The following KMT2A variants were observed in gnomAD, a reference collection of about 807,000 sequenced individuals.
The protein encoded by KMT2A is histone-lysine N-methyltransferase 2A.
Under a neutral mutation model 345.3 loss-of-function variants are expected in KMT2A, and 16 were observed. The observed-to-expected ratio is 0.05, with a 90% confidence interval of 0.03 to 0.07. The LOEUF (loss-of-function observed/expected upper bound fraction) is 0.07. Ranked by LOEUF, KMT2A falls within the 10% of genes least tolerant of loss-of-function variation. The pLI is 1.00. For synonymous variants in KMT2A, 1,599 were observed against 1,778.6 expected, an observed-to-expected ratio of 0.90 and a Z score of 2.54; for missense variants, 3,272 against 4,841.6, an observed-to-expected ratio of 0.68 and a Z score of 9.62.
In KMT2A at chr11:118,520,079, G is replaced by A; in HGVS notation, c.11429+15G>A. The A allele has an allele frequency of 1.3e-6, 2 of 1,564,392 alleles. No individual in the cohort carries two copies. Among genetic ancestry groups the A allele is most frequent in the Non-Finnish European group, 1.8e-6 (2 of 1,135,800 alleles). Reference sequence around the variant, plus strand: ...AAGTCAGCTCGGTAAGTCTTGAGTGGGGAGCAGTCATTAGAAACTGCTTTC... The same window carrying A: ...AAGTCAGCTCGGTAAGTCTTGAGTGAGGAGCAGTCATTAGAAACTGCTTTC... On this transcript the variant is annotated intron_variant, in intron 33 of 35. Transcript: ENST00000534358. The surrounding 1 kb of genome is among the most constrained non-coding windows in gnomAD (Gnocchi z 4.3).
chr11:118,521,158 C>A lies in KMT2A; in HGVS notation c.11514-130C>A. On this transcript the variant is annotated intron_variant, in intron 34 of 35. Coordinates refer to ENST00000534358, the MANE Select transcript of KMT2A (RefSeq NM_001197104.2). This position sits in a 1 kb window ranked among gnomAD's most constrained non-coding sequence, Gnocchi z 5.3. ...GTTAGATGGCCAAATCAAGTGGGTC[C>A]AAATTTTTATTTTCTCAAGTATATG... The A allele has an allele frequency of 9.3e-7, 1 of 1,075,954 alleles. No homozygotes were observed. The highest frequency in any genetic ancestry group is 1.3e-6 in the Non-Finnish European group (1 of 741,166). The allele number at this position is 1,075,954 out of a possible 1,614,324, so 66.7% of individuals were successfully genotyped here. A position where few individuals can be genotyped will look rare whatever the true frequency, so the allele number is the denominator to read the frequency against.
Position 118,473,630 on chromosome 11 carries a change from C to A in KMT2A, c.2471C>A (p.Ala824Glu), listed in dbSNP as rs2134269142. The A allele has an allele frequency of 6.2e-7, 1 of 1,614,088 alleles. No homozygotes were observed. Among genetic ancestry groups the A allele is most frequent in the African/African-American group, 1.3e-5 (1 of 75,028 alleles). ...QRPRKQTSAP[A>E]EPFSSSSPTP... Reference sequence around the variant, plus strand: ...CCAAGGAAGCAGACTAGTGCTCCGGCAGAGCCATTTTCATCAAGTAGTCCT... The same window carrying A: ...CCAAGGAAGCAGACTAGTGCTCCGGAAGAGCCATTTTCATCAAGTAGTCCT... Residue 824 changes from alanine (A) to glutamate (E), a missense_variant, in exon 3 of 36, where the codon GCA becomes GAA. Around this residue, in one of 27 missense-constraint regions of KMT2A, gnomAD observed 209 missense variants for 237.4 expected, o/e 0.88. Coordinates refer to ENST00000534358, the MANE Select transcript of KMT2A (RefSeq NM_001197104.2). The surrounding 1 kb of genome is among the most constrained non-coding windows in gnomAD (Gnocchi z 5.2).
At chr11:118,464,141 C>G (rs1210478178) in intron 1 of KMT2A, among the ~76,000 whole-genome samples, 1 of 152,184 alleles carries the variant, frequency 6.6e-6, no homozygotes, top group Non-Finnish European at 1.5e-5. Flanking sequence ...AAAAATTCAT[C>G]TTGTTCATGC....
rs535975716 is a variant in KMT2A, at chr11:118,526,586, G to GA, written c.*4426dup. On this transcript the variant is annotated 3_prime_UTR_variant, in exon 36 of 36. Coordinates refer to ENST00000534358, the MANE Select transcript of KMT2A (RefSeq NM_001197104.2). ...CCAAGCTTCTGGTTAGAGAAAAAGA[G>GA]AAAAAAAAAAAAGGAAAATGTGTCT... 8,426 of 170,870 alleles carry GA rather than the reference G, an allele frequency of 0.049. 13 individuals are homozygous for GA. Among genetic ancestry groups the GA allele is most frequent in the Middle Eastern group, 0.1 (51 of 512 alleles). 10.6% of individuals were successfully genotyped at this position (170,870 alleles called of 1,614,324 possible). A position where few individuals can be genotyped will look rare whatever the true frequency, so the allele number is the denominator to read the frequency against.
chr11:118,512,803 G>GTTT (rs782638304), intron 31 of KMT2A, among the ~76,000 whole-genome samples: 2 of 130,414 alleles, frequency 1.5e-5, no homozygotes, highest in Admixed American at 7.5e-5. Context: ...CCTGTTTTTT[G>GTTT]TTTTTTTTTT....
At chr11:118,499,215 A>G in intron 22 of KMT2A, 88 bp from the exon 23 acceptor site, 1 of 830,372 alleles carries the variant, frequency 1.2e-6, no homozygotes, top group South Asian at 1.4e-5. Context: ...GAGATATGCT[A>G]TGTGCCTTCC....
Position 118,495,231 on chromosome 11 carries a change from T to G in KMT2A, c.5363+464T>G, listed in dbSNP as rs1950389459. ...TGGAGTGCAGTGACATGATCTCGGC[T>G]CACTACAACCTCCGCCTCCCTGGTT... On this transcript the variant is annotated intron_variant, in intron 18 of 35. Transcript: ENST00000534358. The surrounding 1 kb of genome is among the most constrained non-coding windows in gnomAD (Gnocchi z 4.1). Among the ~76,000 whole-genome samples the G allele has an allele frequency of 6.6e-6, 1 of 151,910 alleles. No homozygotes were observed.
At chr11:118,519,524 TG>T in intron 31 of KMT2A, 93 bp from the exon 32 acceptor site, 1 of 1,131,646 alleles carries the variant, frequency 8.8e-7, no homozygotes, top group South Asian at 1.4e-5. Flanking sequence ...GAGCAGCCTC[TG>T]GCAGAGTGAC....
chr11:118,452,867 C>G (rs546768408), intron 1 of KMT2A, among the ~76,000 whole-genome samples: 1 of 151,840 alleles, frequency 6.6e-6, no homozygotes, highest in African/African-American at 2.4e-5. Flanking sequence ...CTCCTGACCT[C>G]GTGATCTGCC....
chr11:118,510,989 C>T lies in KMT2A; in HGVS notation c.11071+871C>T, dbSNP rs978414960. On this transcript the variant is annotated intron_variant, in intron 30 of 35. Coordinates refer to ENST00000534358, the MANE Select transcript of KMT2A (RefSeq NM_001197104.2). This position sits in a 1 kb window ranked among gnomAD's most constrained non-coding sequence, Gnocchi z 4.1. The stretch of plus-strand genomic sequence containing the variant: ...TTTAGAGTAGTGTCAGGTGAGATGG[C>T]ATTGAAATCCATGTGAGGTAATAGT... Among the ~76,000 whole-genome samples, 1 of 152,084 alleles carries T rather than the reference C, an allele frequency of 6.6e-6. No individual in the cohort carries two copies. The highest frequency in any genetic ancestry group is 2.4e-5 in the African/African-American group (1 of 41,420).
Position 118,523,605 on chromosome 11 carries a change from T to A in KMT2A, c.*1433T>A, listed in dbSNP as rs1951016820. The A allele has an allele frequency of 4.4e-6, 1 of 228,296 alleles. No homozygotes were observed. The highest frequency in any genetic ancestry group is 5.7e-5 in the Admixed American group (1 of 17,602). 14.1% of individuals were successfully genotyped at this position (228,296 alleles called of 1,614,324 possible). Reference sequence around the variant, plus strand: ...TTGTATATTTTTCTATGAGAAGCACTTCATAGGGAGAAGCACTTATGACAA... The same window carrying A: ...TTGTATATTTTTCTATGAGAAGCACATCATAGGGAGAAGCACTTATGACAA... On this transcript the variant is annotated 3_prime_UTR_variant, in exon 36 of 36. Transcript: ENST00000534358.
At chr11:118,456,975 C>T (rs1298058721) in intron 1 of KMT2A, among the ~76,000 whole-genome samples, 1 of 152,134 alleles carries the variant, frequency 6.6e-6, no homozygotes, top group Non-Finnish European at 1.5e-5. Context: ...TCCCTTAAAC[C>T]TTTATATCAA....
Position 118,519,975 on chromosome 11 carries a change from G to C in KMT2A, c.11340G>C (p.Met3780Ile). 4.3e-6 allele frequency: 7 copies of C among 1,613,822 alleles called. 1 individual carries two copies. The highest frequency in any genetic ancestry group is 8.5e-7 in the Non-Finnish European group (1 of 1,179,744). ...EVHLRKSAFD[M>I]FNFLASKHRQ... is the part of the protein sequence containing the mutation. ...GCCCCAGGAAGTCAGCATTTGACATGTTTAACTTCCTGGCTTCTAAACATC... is the reference window on the plus strand; with the variant it reads ...GCCCCAGGAAGTCAGCATTTGACATCTTTAACTTCCTGGCTTCTAAACATC... Residue 3780 changes from methionine (M) to isoleucine (I), a missense_variant, in exon 33 of 36, where the codon ATG (methionine) becomes ATC (isoleucine). Met to Ile is a conservative substitution (Grantham distance 10). Transcript: ENST00000534358.
In KMT2A at chr11:118,472,862, C is replaced by G. The variant is rs782000286; in HGVS notation, c.1703C>G (p.Pro568Arg). 6.2e-7 allele frequency: 1 copy of G among 1,614,042 alleles called. No individual in the cohort carries two copies. Among genetic ancestry groups the G allele is most frequent in the South Asian group, 1.1e-5 (1 of 91,062 alleles). Residue 568 changes from proline (P) to arginine (R), a missense_variant, in exon 3 of 36, where the codon CCA becomes CGA. Physicochemically the swap from Pro to Arg is moderately radical, Grantham distance 103 (BLOSUM62 -2). This residue lies in a region of KMT2A where 180 missense variants were observed against 190.7 expected (regional missense o/e 0.94). Transcript: ENST00000534358. ...TCTCCACCTCCACCTCTGCTGACTC[C>G]ACCGCCACCACTGCAGCCAGCCTCC... Reference protein sequence around the residue: ...SSSPPPPLLTPPPPLQPASSI... With the variant: ...SSSPPPPLLTRPPPLQPASSI...
chr11:118,496,557 T>C lies in KMT2A; in HGVS notation c.5664+190T>C, dbSNP rs1950412621. Among the ~76,000 whole-genome samples, 6 of 152,242 alleles carry C rather than the reference T, an allele frequency of 3.9e-5. 1 individual carries two copies. In the South Asian group the frequency reaches 1.2e-3, roughly 32 times the overall value. On this transcript the variant is annotated intron_variant, in intron 20 of 35. Coordinates refer to ENST00000534358, the MANE Select transcript of KMT2A (RefSeq NM_001197104.2). This position sits in a 1 kb window ranked among gnomAD's most constrained non-coding sequence, Gnocchi z 4.7. ...AACTTATTTTTTGTCACTTAGTTCA[T>C]GGCACTTGGAGTTTTTTAATGACTG...
Position 118,490,577 on chromosome 11 carries a change from T to G in KMT2A, c.4696+328T>G, listed in dbSNP as rs1555042199. On this transcript the variant is annotated intron_variant, in intron 13 of 35. Coordinates refer to ENST00000534358, the MANE Select transcript of KMT2A (RefSeq NM_001197104.2). This position sits in a 1 kb window ranked among gnomAD's most constrained non-coding sequence, Gnocchi z 4.2. ...CCCAAACATTTTCTTTCAGTAGTTA[T>G]ATTAGAAAAAAATATTAATATAACT... 1.3e-5 allele frequency among the ~76,000 whole-genome samples: 2 copies of G among 152,048 alleles called. No individual in the cohort carries two copies. Among genetic ancestry groups the G allele is most frequent in the Non-Finnish European group, 2.9e-5 (2 of 68,020 alleles).
In KMT2A at chr11:118,474,156, T is replaced by C. The variant is rs1949993036; in HGVS notation, c.2997T>C (p.Val999=). The C allele has an allele frequency of 6.2e-7, 1 of 1,614,050 alleles. No individual in the cohort carries two copies. The highest frequency in any genetic ancestry group is 1.7e-5 in the Admixed American group (1 of 59,996). The part of the protein sequence containing the change: ...LCLSTPSSST[V]KHSTSSIGSM... ...TTTCCACTCCTTCATCTAGCACTGT[T>C]AAACATTCCACTTCCTCCATAGGCT... is the stretch of plus-strand genomic sequence containing the variant. Residue 999 remains valine (V), a synonymous_variant, in exon 3 of 36, where the codon GTT becomes GTC. Transcript: ENST00000534358.
chr11:118,439,158 C>CAAAAAAAAAAAAAGAAA, intron 1 of KMT2A: 1 of 265,448 alleles, frequency 3.8e-6, no homozygotes, highest in Non-Finnish European at 7.5e-6. Context: ...GATACAGCAG[C>CAAAAAAAAAAAAAGAAA]AAAAAAAAAA....
chr11:118,477,981 G>T lies in KMT2A; in HGVS notation c.3349G>T (p.Ala1117Ser). ...TTCTTTAACAGACAAGTCATCAATTGCTGGCTCAGAAGATGCTGAACCTCT... is the reference window on the plus strand; with the variant it reads ...TTCTTTAACAGACAAGTCATCAATTTCTGGCTCAGAAGATGCTGAACCTCT... The part of the protein sequence containing the change: ...SMGNDDKSSI[A>S]GSEDAEPLAP... The change falls in exon 5 of 36, where the codon GCT becomes TCT. Residue 1117 changes from alanine (A) to serine (S), a missense_variant. Ala to Ser is a moderately conservative substitution (Grantham distance 99). This residue lies in a region of KMT2A where 33 missense variants were observed against 46.5 expected (regional missense o/e 0.71). Coordinates refer to ENST00000534358, the MANE Select transcript of KMT2A (RefSeq NM_001197104.2). 6.2e-7 allele frequency: 1 copy of T among 1,613,990 alleles called. No homozygotes were observed. The highest frequency in any genetic ancestry group is 8.5e-7 in the Non-Finnish European group (1 of 1,179,980).
Sources: allele counts gnomAD v4.1 joint callset (sites outside exome capture counted in the v4.1 genomes callset), GRCh38; gene constraint gnomAD v4.1.1; regional missense constraint gnomAD v4.1.1; non-coding constraint Gnocchi (gnomAD v3.1); transcripts MANE v1.5; gene names NCBI Gene and HGNC (gene_info 2026-07-23, HGNC 2026-07-21).